Variants in TBC1D22A observed in about 807,000 individuals in gnomAD.
TBC1D22A encodes putative GTPase activator.
Under a neutral mutation model 60.2 loss-of-function variants are expected in TBC1D22A, and 38 were observed. The ratio of observed to expected loss-of-function variants is 0.63; its 90% CI spans 0.49 to 0.83. TBC1D22A has a LOEUF of 0.83. Among genes scored for constraint, TBC1D22A ranks in the 40% least tolerant of loss-of-function variants. The pLI, the probability that TBC1D22A is intolerant of heterozygous loss-of-function variation, is 0.00. For missense variants in TBC1D22A, 628 were observed against 701.0 expected, an observed-to-expected ratio of 0.90 and a Z score of 1.18; for synonymous variants, 302 against 281.7, an observed-to-expected ratio of 1.07 and a Z score of -0.72.
chr22:47,173,649 C>T lies in TBC1D22A; in HGVS notation c.*23C>T, dbSNP rs181387294. The stretch of plus-strand genomic sequence containing the variant: ...TGAGCCCAGGCCCACCCGCAGCTGG[C>T]CTCACTGTCCCGGGTGGCGCGCCCC... On this transcript the variant is annotated 3_prime_UTR_variant, in exon 13 of 13. Transcript: ENST00000337137. 5.0e-6 allele frequency: 8 copies of T among 1,613,016 alleles called. No homozygotes were observed. In the East Asian group the frequency reaches 1.3e-4, roughly 27 times the overall value.
Position 46,797,577 on chromosome 22 carries a change from C to G in TBC1D22A, c.594C>G (p.Leu198=), listed in dbSNP as rs1221969348. The G allele has an allele frequency of 2.5e-6, 4 of 1,612,498 alleles. No homozygotes were observed. The highest frequency in any genetic ancestry group is 3.4e-6 in the Non-Finnish European group (4 of 1,178,998). ...TGAGCGAAAGAGAGGCCTCCCGGCT[C>G]GACAAGTTCAAGCAGCTGCTTGCCG... ...SALSEREASR[L]DKFKQLLAGP... The change falls in exon 4 of 13, where the codon CTC becomes CTG. Residue 198 remains leucine, a synonymous_variant. Transcript: ENST00000337137.
chr22:46,831,360 A>T (rs1156737204), intron 4 of TBC1D22A, among the ~76,000 whole-genome samples: 4 of 152,140 alleles, frequency 2.6e-5, no homozygotes. Flanking sequence ...ACCGAGGCCC[A>T]CAGAGGTCAA....
At chr22:46,964,602 C>T (rs1487757566) in intron 8 of TBC1D22A, among the ~76,000 whole-genome samples, 6 of 152,194 alleles carry the variant, frequency 3.9e-5, no homozygotes, top group East Asian at 1.9e-4. Flanking sequence ...ATACATGGAC[C>T]GTCTGTCCAA....
chr22:46,910,635 G>T (rs921469329), intron 7 of TBC1D22A, among the ~76,000 whole-genome samples: 5 of 152,192 alleles, frequency 3.3e-5, no homozygotes, highest in African/African-American at 1.2e-4. Flanking sequence ...TGACCCAGTG[G>T]AGAGGAGTGG....
At chr22:47,090,239 A>G (rs2064864471) in intron 11 of TBC1D22A, among the ~76,000 whole-genome samples, 1 of 152,234 alleles carries the variant, frequency 6.6e-6, no homozygotes, top group Admixed American at 6.5e-5. Flanking sequence ...AAAGGCCAGC[A>G]TCCGCCAGCT....
chr22:46,825,023 C>T (rs2085990501), intron 4 of TBC1D22A, among the ~76,000 whole-genome samples: 1 of 152,014 alleles, frequency 6.6e-6, no homozygotes, highest in Non-Finnish European at 1.5e-5. Flanking sequence ...ACCTGGCCTG[C>T]CCAGCATTCT....
intron 11 of TBC1D22A, among the ~76,000 whole-genome samples, chr22:47,084,488 C>G (rs2064599887): frequency 6.6e-6 from 1 of 152,188 alleles, no homozygotes; most frequent in African/African-American, 2.4e-5. Flanking sequence ...GCCCAGCAGG[C>G]TGTGCTTAAC....
intron 8 of TBC1D22A, among the ~76,000 whole-genome samples, chr22:46,944,632 T>TCA (rs1569254238): frequency 6.6e-6 from 1 of 152,216 alleles, no homozygotes; most frequent in Non-Finnish European, 1.5e-5. Context: ...TCTCATGACC[T>TCA]TGTAATCTGC....
chr22:47,077,617 G>A (rs2064279554), intron 11 of TBC1D22A, among the ~76,000 whole-genome samples: 1 of 152,222 alleles, frequency 6.6e-6, no homozygotes, highest in African/African-American at 2.4e-5. Context: ...GCCTGGAGCT[G>A]TTGTAAGGAG....
intron 1 of TBC1D22A, among the ~76,000 whole-genome samples, chr22:46,770,460 A>G (rs926070804): frequency 6.6e-6 from 1 of 152,144 alleles, no homozygotes; most frequent in Non-Finnish European, 1.5e-5. Context: ...AGCTGTGGTA[A>G]TTTGTTACAG....
At position 46,905,424 on chromosome 22, in the gene TBC1D22A, C is replaced by T. The variant is rs75899447; in HGVS notation, c.901-6650C>T. On this transcript the variant is annotated intron_variant, in intron 7 of 12. Transcript: ENST00000337137. ...TCAGGGTCTGTGCCTGTCGCCTCTGCTCAGAGCCTTTCATGAGCAAGTTGG... is the reference window on the plus strand; with the variant it reads ...TCAGGGTCTGTGCCTGTCGCCTCTGTTCAGAGCCTTTCATGAGCAAGTTGG... 5.6e-3 allele frequency among the ~76,000 whole-genome samples: 847 copies of T among 152,318 alleles called. 15 individuals carry two copies. The highest frequency in any genetic ancestry group is 0.037 in the East Asian group (190 of 5,170).
intron 1 of TBC1D22A, among the ~76,000 whole-genome samples, chr22:46,790,630 A>G (rs1216342161): frequency 6.6e-6 from 1 of 152,174 alleles, no homozygotes; most frequent in Admixed American, 6.5e-5. Context: ...TACAAAAAGA[A>G]GAGGTACAAA....
intron 5 of TBC1D22A, among the ~76,000 whole-genome samples, chr22:46,887,795 TTATC>T (rs1337100947): frequency 2.6e-5 from 4 of 152,180 alleles, no homozygotes; most frequent in Admixed American, 1.3e-4. Context: ...GGGTACACCT[TTATC>T]TAAGTATGCT....
intron 8 of TBC1D22A, among the ~76,000 whole-genome samples, chr22:46,949,117 A>G (rs2072736870): frequency 6.6e-6 from 1 of 152,310 alleles, no homozygotes; most frequent in Middle Eastern, 3.4e-3. Context: ...GGCTCCTAAA[A>G]GAGTCTTTGT....
intron 4 of TBC1D22A, among the ~76,000 whole-genome samples, chr22:46,867,696 G>A (rs1021410970): frequency 4.6e-5 from 7 of 152,242 alleles, no homozygotes; most frequent in Non-Finnish European, 7.3e-5. Flanking sequence ...TGTAGAAAAA[G>A]CATCTATAGA....
At chr22:47,018,120 G>C (rs528134994) in intron 10 of TBC1D22A, among the ~76,000 whole-genome samples, 1 of 152,258 alleles carries the variant, frequency 6.6e-6, no homozygotes, top group Non-Finnish European at 1.5e-5. Context: ...TGTGCCAGGC[G>C]TGGGGGCCCA....
intron 10 of TBC1D22A, among the ~76,000 whole-genome samples, chr22:47,000,805 G>GT (rs2061380855): frequency 6.7e-6 from 1 of 149,466 alleles, no homozygotes; most frequent in Non-Finnish European, 1.5e-5. Flanking sequence ...AGACCTTTTT[G>GT]TTTTTTTAAA....
intron 1 of TBC1D22A, among the ~76,000 whole-genome samples, chr22:46,775,116 G>T (rs1601812711): frequency 6.6e-6 from 1 of 152,240 alleles, no homozygotes; most frequent in Non-Finnish European, 1.5e-5. Flanking sequence ...TCAGTGGCTC[G>T]GGATGTGTGG....
intron 1 of TBC1D22A, among the ~76,000 whole-genome samples, chr22:46,771,731 A>G (rs1601797367): frequency 6.6e-6 from 1 of 151,456 alleles, no homozygotes; most frequent in Admixed American, 6.6e-5. Flanking sequence ...AGTGGCTGGG[A>G]TTATAGGCAC....
Sources: gnomAD v4.1 joint callset for allele counts (sites outside exome capture counted in the v4.1 genomes callset) on GRCh38, gnomAD v4.1.1 for gene constraint, MANE v1.5 for transcripts, NCBI Gene and HGNC (gene_info 2026-07-23, HGNC 2026-07-21) for gene names.